The following TMEM116 variants were observed in gnomAD, a reference collection of about 807,000 sequenced individuals.
TMEM116 encodes transmembrane protein 116.
TMEM116 carries 38 observed loss-of-function variants against 44.3 expected under a neutral mutation model. The ratio of observed to expected loss-of-function variants is 0.86; its 90% confidence interval spans 0.66 to 1.12. TMEM116 has a LOEUF of 1.12. Among genes scored for constraint, TMEM116 ranks in the 50% most tolerant of loss-of-function variants. The pLI, the probability that TMEM116 is intolerant of heterozygous loss-of-function variation, is 0.00. For missense variants in TMEM116, 354 were observed against 401.7 expected, an observed-to-expected ratio of 0.88 and a Z score of 1.01; for synonymous variants, 132 against 144.8, an observed-to-expected ratio of 0.91 and a Z score of 0.64.
intron 4 of TMEM116, among the ~76,000 whole-genome samples, chr12:111,946,310 A>G (rs2073270567): frequency 6.6e-6 from 1 of 152,252 alleles, no homozygotes; most frequent in Admixed American, 6.5e-5. Context: ...GGGGGCTGAC[A>G]GCCTTCAGAG....
chr12:111,969,486 C>T (rs995737892), intron 4 of TMEM116, among the ~76,000 whole-genome samples: 1 of 151,618 alleles, frequency 6.6e-6, no homozygotes, highest in East Asian at 1.9e-4. Flanking sequence ...TCTCCGTCTC[C>T]TGGGTTCCAG....
In TMEM116 at chr12:111,933,924, C is replaced by T. The variant is rs566186086; in HGVS notation, c.695G>A (p.Arg232His). The T allele has an allele frequency of 4.6e-4, 746 of 1,614,098 alleles. 12 individuals are homozygous for T. The South Asian group carries it at 7.3e-3, about 16-fold the overall frequency. The part of the protein sequence containing the change: ...AVIHIVDQRV[R>H]FYPVAFFCCW... ...GCAAAAGAAGGCCACTGGGTAGAAG[C>T]GCACCCGTTGGTCCACAATGTGAAT... Residue 232 changes from arginine (R) to histidine (H), a missense_variant, in exon 9 of 11, where the codon CGC (arginine) becomes CAC (histidine). Physicochemically the swap from Arg to His is conservative, Grantham distance 29. Transcript: ENST00000552374.
intron 4 of TMEM116, among the ~76,000 whole-genome samples, chr12:111,979,855 TTA>T (rs1257449044): frequency 3.3e-5 from 5 of 152,294 alleles, no homozygotes; most frequent in African/African-American, 9.6e-5. Context: ...TTATATGTCA[TTA>T]GAGAGCTGAA....
Position 111,991,815 on chromosome 12 carries a change from A to T in TMEM116, c.153T>A (p.Tyr51Ter). ...GLCWLTETLL[Y>*]GASVANKDII... ...TGTCCTTATTTGCTACTGAAGCTCC[A>T]TAGAGAAGTGTCTCCGTGAGCCAGC... The change falls in exon 4 of 11, where the codon TAT becomes TAA. Residue 51 changes from tyrosine (Y) to a stop codon, truncating the protein, a stop_gained. Coordinates refer to ENST00000552374, the MANE Select transcript of TMEM116 (RefSeq NM_001193531.2). LOFTEE classifies it high-confidence loss of function. The T allele has an allele frequency of 6.5e-7, 1 of 1,536,038 alleles. No individual in the cohort carries two copies. Among genetic ancestry groups the T allele is most frequent in the Non-Finnish European group, 8.7e-7 (1 of 1,146,710 alleles).
At chr12:111,998,832 G>A (rs1304103710) in intron 3 of TMEM116, among the ~76,000 whole-genome samples, 2 of 152,020 alleles carry the variant, frequency 1.3e-5, no homozygotes, top group East Asian at 1.9e-4. Context: ...AGGCAAAGGG[G>A]GAAAGGGGGA....
Position 111,931,637 on chromosome 12 carries a change from G to A in TMEM116, c.998C>T (p.Thr333Ile). The change falls in exon 11 of 11, where the codon ACT becomes ATT. Residue 333 changes from threonine to isoleucine, a missense_variant. Coordinates refer to ENST00000552374, the MANE Select transcript of TMEM116 (RefSeq NM_001193531.2). Reference protein sequence around the residue: ...LESTLTFPASTSTIF With the variant: ...LESTLTFPASISTIF The stretch of plus-strand genomic sequence containing the variant: ...ATTGTAGTTTCAAAAAATGGTAGAA[G>A]TACTGGCAGGAAAAGTCAGGGTGGA... The A allele has an allele frequency of 2.5e-6, 4 of 1,614,156 alleles. No homozygotes were observed. The highest frequency in any genetic ancestry group is 1.3e-5 in the African/African-American group (1 of 75,064).
intron 1 of TMEM116, among the ~76,000 whole-genome samples, chr12:112,009,535 T>TAAA (rs35585213): frequency 2.3e-3 from 295 of 125,802 alleles, no homozygotes; most frequent in African/African-American, 8.1e-3. Flanking sequence ...TGGGTTTACT[T>TAAA]AAAAAAAAAA....
chr12:111,991,230 A>C (rs1055746736), intron 4 of TMEM116, among the ~76,000 whole-genome samples: 7 of 150,580 alleles, frequency 4.6e-5, no homozygotes, highest in African/African-American at 9.8e-5. Flanking sequence ...AAAAAAAAAA[A>C]AAAAAAAAAC....
chr12:111,945,343 CAAAAAAAAAA>C (rs917839133), intron 4 of TMEM116, among the ~76,000 whole-genome samples: 2 of 33,828 alleles, frequency 5.9e-5, no homozygotes, highest in Non-Finnish European at 7.7e-5. Context: ...GACTCCATCT[CAAAAAAAAAA>C]AAAAAAAAAA....
chr12:111,949,122 C>G (rs1455719797), intron 4 of TMEM116, among the ~76,000 whole-genome samples: 1 of 151,938 alleles, frequency 6.6e-6, no homozygotes, highest in Non-Finnish European at 1.5e-5. Context: ...CCCCAACCCC[C>G]ACCCCCAAAA....
chr12:111,963,845 G>C (rs956465636), intron 4 of TMEM116, among the ~76,000 whole-genome samples: 2 of 152,042 alleles, frequency 1.3e-5, no homozygotes, highest in Non-Finnish European at 2.9e-5. Flanking sequence ...GAGGAAAATA[G>C]AGGCAATGAA....
At chr12:111,932,338 C>T (rs2136213585) in intron 10 of TMEM116, among the ~76,000 whole-genome samples, 2 of 152,258 alleles carry the variant, frequency 1.3e-5, no homozygotes, top group East Asian at 3.9e-4. Flanking sequence ...CTTAAAAACA[C>T]ATCAGTAAAA....
rs577020876 is a variant in TMEM116, at chr12:112,008,607, A to T, written c.-33-3304T>A. On this transcript the variant is annotated intron_variant, in intron 1 of 10. Transcript: ENST00000552374. ...AATTGCTATCATGAGCAAGTTACTC[A>T]AAGTCAGGAAAGACACTTGCCTTTG... Among the ~76,000 whole-genome samples the T allele has an allele frequency of 2.0e-5, 3 of 152,334 alleles. No homozygotes were observed. The East Asian group carries it at 5.8e-4, about 29-fold the overall frequency.
intron 4 of TMEM116, among the ~76,000 whole-genome samples, chr12:111,947,831 C>G (rs1464886834): frequency 1.3e-5 from 2 of 152,146 alleles, no homozygotes; most frequent in East Asian, 3.8e-4. Flanking sequence ...ATTAATAAAT[C>G]TGCAAAACTG....
Position 111,993,042 on chromosome 12 carries a change from C to T in TMEM116, c.79-1153G>A, listed in dbSNP as rs563348353. 4.1e-4 allele frequency: 72 copies of T among 175,502 alleles called. 1 individual carries two copies. The highest frequency in any genetic ancestry group is 7.5e-4 in the Non-Finnish European group (62 of 82,486). The allele number at this position is 175,502 out of a possible 1,614,324, so 10.9% of individuals were successfully genotyped here. A position where few individuals can be genotyped will look rare whatever the true frequency, so the allele number is the denominator to read the frequency against. ...ATGGGTGAACTCCTTCAATGTGCCA[C>T]ACCTGCAGCTGGTGGACGATGGCCT... is the stretch of plus-strand genomic sequence containing the variant. On this transcript the variant is annotated intron_variant, in intron 3 of 10. Transcript: ENST00000552374.
intron 4 of TMEM116, among the ~76,000 whole-genome samples, chr12:111,991,413 A>G (rs1310855097): frequency 6.7e-6 from 1 of 150,180 alleles, no homozygotes; most frequent in Admixed American, 6.7e-5. Flanking sequence ...AGTCCCAGCT[A>G]CTCGGGAGGC....
At chr12:112,003,989 A>T in intron 2 of TMEM116, 126 bp from the exon 3 acceptor site, 1 of 1,328,456 alleles carries the variant, frequency 7.5e-7, no homozygotes, top group Non-Finnish European at 9.6e-7. Context: ...CTGCATTAAA[A>T]AAATTTTTAG....
chr12:111,994,860 T>G lies in TMEM116; in HGVS notation c.79-2971A>C, dbSNP rs2076842553. On this transcript the variant is annotated intron_variant, in intron 3 of 10. Coordinates refer to ENST00000552374, the MANE Select transcript of TMEM116 (RefSeq NM_001193531.2). ...ACCCTAAAGAGACCCAGAAAAGCCGTGGCAAGATAAGGGCGTTTATAACCC... is the reference window on the plus strand; with the variant it reads ...ACCCTAAAGAGACCCAGAAAAGCCGGGGCAAGATAAGGGCGTTTATAACCC... 2.6e-5 allele frequency among the ~76,000 whole-genome samples: 4 copies of G among 152,282 alleles called. No homozygotes were observed. In the South Asian group the frequency reaches 8.3e-4, roughly 32 times the overall value.
intron 8 of TMEM116, chr12:111,935,671 G>C (rs1254831324): frequency 1.4e-5 from 2 of 142,722 alleles, no homozygotes; most frequent in African/African-American, 2.7e-5. Flanking sequence ...TTTTGAGACA[G>C]AGTATCCTCT....
Sources: allele counts gnomAD v4.1 joint callset (sites outside exome capture counted in the v4.1 genomes callset), GRCh38; gene constraint gnomAD v4.1.1; transcripts MANE v1.5; gene names NCBI Gene and HGNC (gene_info 2026-07-23, HGNC 2026-07-21).